The following FBLN7 variants were observed in gnomAD, a reference collection of about 807,000 sequenced individuals.
FBLN7 encodes the protein fibulin 7, also known as fibulin-7.
Under a neutral mutation model 44.0 loss-of-function variants are expected in FBLN7, and 31 were observed. The ratio of observed to expected loss-of-function variants is 0.70; its 90% CI spans 0.53 to 0.95. FBLN7 has a LOEUF of 0.95. Ranked by LOEUF, FBLN7 falls within the 40% of genes least tolerant of loss-of-function variation. The pLI, the probability that FBLN7 is intolerant of heterozygous loss-of-function variation, is 0.00. For missense variants in FBLN7, 573 were observed against 618.5 expected (o/e 0.93, Z 0.78); for synonymous variants, 262 against 253.4 (o/e 1.03, Z -0.32).
chr2:112,186,372 G>T (rs938889205), intron 7 of FBLN7, among the ~76,000 whole-genome samples: 2 of 152,190 alleles, frequency 1.3e-5, no homozygotes, highest in Non-Finnish European at 2.9e-5. Context: ...AGGCACAGTG[G>T]CTTATGCTTA....
chr2:112,197,270 CACACAGAGAGAGAG>C, the FBLN7 span, among the ~76,000 whole-genome samples: 447 of 126,292 alleles, frequency 3.5e-3, 1 homozygote, highest in Non-Finnish European at 5.6e-3. Flanking sequence ...CACACACACA[CACACAGAGAGAGAG>C]AGAGAGAGAG....
At chr2:112,184,849 A>ATG (rs1683189508) in intron 6 of FBLN7, among the ~76,000 whole-genome samples, 1 of 149,794 alleles carries the variant, frequency 6.7e-6, no homozygotes, top group Non-Finnish European at 1.5e-5. Flanking sequence ...ACACACACAT[A>ATG]TATATATATG....
the FBLN7 span, chr2:112,233,344 C>T: frequency 6.3e-7 from 1 of 1,594,226 alleles, no homozygotes; most frequent in Non-Finnish European, 8.6e-7. Context: ...TCTATCTCTG[C>T]ATCATGATCA....
At chr2:112,222,265 T>C in the FBLN7 span, among the ~76,000 whole-genome samples, 1 of 152,172 alleles carries the variant, frequency 6.6e-6, no homozygotes, top group Non-Finnish European at 1.5e-5. Context: ...CCTAATCTGT[T>C]GTTGTCTGTT....
the FBLN7 span, among the ~76,000 whole-genome samples, chr2:112,194,986 A>G: frequency 1.3e-5 from 2 of 152,220 alleles, no homozygotes; most frequent in Non-Finnish European, 2.9e-5. Flanking sequence ...GTTGGGGGAA[A>G]GGGATCACTG....
At chr2:112,195,010 CAATTCATGGAGAAGTTGGCACTT>C in the FBLN7 span, among the ~76,000 whole-genome samples, 2 of 152,132 alleles carry the variant, frequency 1.3e-5, no homozygotes, top group African/African-American at 4.8e-5. Flanking sequence ...GAGTCAAGAC[CAATTCATGGAGAAGTTGGCACTT>C]GATTCATGGA....
downstream of FBLN7, among the ~76,000 whole-genome samples, chr2:112,192,122 A>G (rs907277303): frequency 5.9e-5 from 9 of 152,194 alleles, no homozygotes; most frequent in African/African-American, 2.2e-4. Context: ...ATGACAGCAT[A>G]CCATTGTTTA....
intron 1 of FBLN7, among the ~76,000 whole-genome samples, chr2:112,146,748 T>C (rs977082346): frequency 2.6e-5 from 4 of 152,162 alleles, no homozygotes; most frequent in Admixed American, 6.5e-5. Flanking sequence ...ATGTCATCTA[T>C]GTATTAGAGC....
At chr2:112,231,999 T>A in the FBLN7 span, 2 of 1,122,128 alleles carry the variant, frequency 1.8e-6, no homozygotes, top group Non-Finnish European at 2.6e-6. Context: ...GAAATAATGT[T>A]ATTAACTTAA....
chr2:112,167,895 G>GTTATGTTATGTTATGTTATC (rs1558885318), intron 3 of FBLN7, among the ~76,000 whole-genome samples: 1,682 of 151,638 alleles, frequency 0.011, 33 homozygotes, highest in African/African-American at 0.038. Flanking sequence ...GTTATGTTAT[G>GTTATGTTATGTTATGTTATC]TTATGTTATG....
chr2:112,193,309 C>T, the FBLN7 span, among the ~76,000 whole-genome samples: 1 of 152,118 alleles, frequency 6.6e-6, no homozygotes, highest in South Asian at 2.1e-4. Flanking sequence ...GGTGTGGTGG[C>T]ACATGCCTGT....
intron 4 of FBLN7, chr2:112,177,358 C>T (rs1682784294): frequency 6.6e-6 from 1 of 152,332 alleles, no homozygotes; most frequent in East Asian, 1.9e-4. Flanking sequence ...AAGCCAGCTC[C>T]TATCCTCATA....
At chr2:112,166,010 C>A (rs1049279661) in intron 3 of FBLN7, among the ~76,000 whole-genome samples, 1 of 150,922 alleles carries the variant, frequency 6.6e-6, no homozygotes, top group African/African-American at 2.5e-5. Flanking sequence ...ATTATATAAA[C>A]AAGAAGATTG....
At chr2:112,163,575 C>T (rs537269696) in intron 2 of FBLN7, among the ~76,000 whole-genome samples, 2 of 152,372 alleles carry the variant, frequency 1.3e-5, no homozygotes, top group East Asian at 3.9e-4. Flanking sequence ...CTCTCTCCAA[C>T]CACATCAGTC....
At chr2:112,238,192 T>C in the FBLN7 span, 4 of 1,009,676 alleles carry the variant, frequency 4.0e-6, no homozygotes, top group Non-Finnish European at 5.7e-6. Flanking sequence ...CTGGTATAAA[T>C]ATTCATGAAA....
At chr2:112,160,273 G>T (rs150578257) in intron 2 of FBLN7, among the ~76,000 whole-genome samples, 2 of 152,058 alleles carry the variant, frequency 1.3e-5, no homozygotes, top group Admixed American at 1.3e-4. Context: ...GACAGGCGTG[G>T]GCCACCGCGC....
Position 112,155,306 on chromosome 2 carries a change from C to T in FBLN7, c.76-4370C>T, listed in dbSNP as rs1040385709. Among the ~76,000 whole-genome samples the T allele has an allele frequency of 2.6e-5, 4 of 152,308 alleles. No individual in the cohort carries two copies. The Middle Eastern group carries it at 0.01, about 389-fold the overall frequency. The stretch of plus-strand genomic sequence containing the variant: ...CAAAGGAGCTCGGTGATGCCTGTGC[C>T]TATACCAACTCAGGTGACAGATGAG... On this transcript the variant is annotated intron_variant, in intron 1 of 7. Coordinates refer to ENST00000331203, the MANE Select transcript of FBLN7 (RefSeq NM_153214.3).
chr2:112,232,131 G>A, the FBLN7 span, among the ~76,000 whole-genome samples: 1 of 152,058 alleles, frequency 6.6e-6, no homozygotes, highest in Non-Finnish European at 1.5e-5. Context: ...CCAACATGGC[G>A]AAACCTCGCC....
At chr2:112,190,009 CT>C (rs1455104650), downstream of FBLN7, 2 of 151,900 alleles carry the variant, frequency 1.3e-5, no homozygotes, top group African/African-American at 4.8e-5. Context: ...TTTTTTTAAT[CT>C]GTAGCAGTGG....
Sources: allele counts gnomAD v4.1 joint callset (sites outside exome capture counted in the v4.1 genomes callset), GRCh38; gene constraint gnomAD v4.1.1; transcripts MANE v1.5; gene names NCBI Gene and HGNC (gene_info 2026-07-23, HGNC 2026-07-21).